Variants in TLE3 observed in about 807,000 individuals in gnomAD.
TLE3 encodes the protein transducin-like enhancer protein 3.
A neutral mutation model predicts 93.0 loss-of-function variants in TLE3; 14 were observed. That is an observed-to-expected ratio of 0.15 (90% CI 0.10 to 0.24). TLE3 has a LOEUF of 0.24. Among genes scored for constraint, TLE3 ranks in the 10% least tolerant of loss-of-function variants. The probability of loss-of-function intolerance (pLI) is 1.00; values close to 1 mark genes in which losing one functional copy is unlikely to be tolerated. For missense variants in TLE3, 693 were observed against 1,046.6 expected, an observed-to-expected ratio of 0.66 and a Z score of 4.66; for synonymous variants, 451 against 425.0, an observed-to-expected ratio of 1.06 and a Z score of -0.75.
At chr15:70,078,063 T>C (rs1289205291) in intron 4 of TLE3, among the ~76,000 whole-genome samples, 2 of 152,208 alleles carry the variant, frequency 1.3e-5, no homozygotes, top group Non-Finnish European at 2.9e-5. Flanking sequence ...TTTAAAAGCA[T>C]CCCTGGCCTC....
intron 4 of TLE3, among the ~76,000 whole-genome samples, chr15:70,089,736 G>GC (rs2058219276): frequency 6.6e-6 from 1 of 152,188 alleles, no homozygotes; most frequent in Admixed American, 6.5e-5. Context: ...TCACGTTTTT[G>GC]CCCCTGGTGT....
intron 15 of TLE3, 104 bp from the exon 16 acceptor site, chr15:70,054,789 G>T: frequency 7.1e-7 from 1 of 1,414,662 alleles, no homozygotes; most frequent in Non-Finnish European, 9.4e-7. Context: ...CCTGCTTACA[G>T]CCTCCCCCTA....
chr15:70,071,895 C>A (rs1202531517), intron 6 of TLE3, among the ~76,000 whole-genome samples: 2 of 152,204 alleles, frequency 1.3e-5, no homozygotes, highest in Non-Finnish European at 2.9e-5. Context: ...AGAGGCAGCT[C>A]AGCTGCAGGC....
chr15:70,062,884 T>C (rs2056583340), intron 8 of TLE3, among the ~76,000 whole-genome samples: 1 of 152,196 alleles, frequency 6.6e-6, no homozygotes, highest in Non-Finnish European at 1.5e-5. Flanking sequence ...ATGTGTGCCA[T>C]GCATGGACCT....
chr15:70,069,758 CAG>C (rs2057033142), intron 6 of TLE3, among the ~76,000 whole-genome samples: 1 of 152,264 alleles, frequency 6.6e-6, no homozygotes, highest in East Asian at 1.9e-4. Flanking sequence ...TTGGGTACAA[CAG>C]AGAGTGAAAC....
rs1207716170 is a variant in TLE3 at position 70,048,159 on chromosome 15, C to G, written c.*1938G>C. 1.3e-5 allele frequency: 2 copies of G among 150,306 alleles called. No individual in the cohort carries two copies. The highest frequency in any genetic ancestry group is 2.5e-5 in the African/African-American group (1 of 40,634). The allele number at this position is 150,306 out of a possible 1,614,324, so 9.3% of individuals were successfully genotyped here. A position where few individuals can be genotyped will look rare whatever the true frequency, so the allele number is the denominator to read the frequency against. On this transcript the variant is annotated 3_prime_UTR_variant, in exon 20 of 20. Coordinates refer to ENST00000451782, the MANE Select transcript of TLE3 (RefSeq NM_001105192.3). The stretch of plus-strand genomic sequence containing the variant: ...TTTTCCCGGGGGGCGGGGGGCGGGA[C>G]TGGCAAACTGGGGGGAGAGGCAATT...
chr15:70,054,274 T>A, intron 16 of TLE3, 164 bp downstream of exon 16: 1 of 1,004,622 alleles, frequency 1.0e-6, no homozygotes, highest in African/African-American at 1.6e-5. Flanking sequence ...GTCCCTCGCA[T>A]AAGGCAGGCG....
intron 17 of TLE3, 50 bp downstream of exon 17, chr15:70,053,177 G>A (rs958699585): frequency 7.0e-6 from 11 of 1,573,416 alleles, no homozygotes; most frequent in African/African-American, 6.7e-5. Context: ...GGGCCCCGGA[G>A]GGAGGGAACA....
chr15:70,090,759 C>T (rs1454236773), intron 4 of TLE3, among the ~76,000 whole-genome samples: 3 of 152,150 alleles, frequency 2.0e-5, no homozygotes, highest in Non-Finnish European at 4.4e-5. Context: ...GCTAGTTATG[C>T]ATTATGTATT....
rs1284889157 is a variant in TLE3 at position 70,096,807 on chromosome 15, G to A, written c.-9C>T. Reference sequence around the variant, plus strand: ...CTGCCCTGCGGATACATGGCAGGGAGGGGTCGTGATTCCGAGAGCGTGGAA... The same window carrying A: ...CTGCCCTGCGGATACATGGCAGGGAAGGGTCGTGATTCCGAGAGCGTGGAA... On this transcript the variant is annotated 5_prime_UTR_variant, in exon 1 of 20. Coordinates refer to ENST00000451782, the MANE Select transcript of TLE3 (RefSeq NM_001105192.3). 4 of 1,612,374 alleles carry A rather than the reference G, an allele frequency of 2.5e-6. No homozygotes were observed. The highest frequency in any genetic ancestry group is 2.2e-5 in the East Asian group (1 of 44,698).
At chr15:70,076,997 C>T (rs948730849) in intron 4 of TLE3, among the ~76,000 whole-genome samples, 1 of 152,190 alleles carries the variant, frequency 6.6e-6, no homozygotes, top group African/African-American at 2.4e-5. Flanking sequence ...GGACTACAGA[C>T]AGGAGCCACC....
chr15:70,074,498 C>T (rs774218122), intron 6 of TLE3, 35 bp downstream of exon 6: 1 of 1,599,304 alleles, frequency 6.3e-7, no homozygotes, highest in South Asian at 1.1e-5. Flanking sequence ...AAGGGCTATA[C>T]ACACGGTAAG....
intron 4 of TLE3, chr15:70,079,254 C>T: frequency 2.5e-6 from 1 of 403,236 alleles, no homozygotes; most frequent in South Asian, 1.8e-5. Context: ...TTCCACAAGC[C>T]TGGGGTAGTG....
At chr15:70,092,446 G>A (rs2058352676) in intron 4 of TLE3, among the ~76,000 whole-genome samples, 1 of 152,226 alleles carries the variant, frequency 6.6e-6, no homozygotes, top group African/African-American at 2.4e-5. Context: ...GGCAAGCAAG[G>A]TAAAGTGCCC....
intron 4 of TLE3, among the ~76,000 whole-genome samples, chr15:70,081,178 C>T (rs977864071): frequency 1.3e-5 from 2 of 152,190 alleles, no homozygotes; most frequent in African/African-American, 4.8e-5. Flanking sequence ...CTTCTCTAGG[C>T]ATTAATTTCG....
At chr15:70,066,344 G>A (rs1424659100) in intron 6 of TLE3, 126 bp from the exon 7 acceptor site, 2 of 832,166 alleles carry the variant, frequency 2.4e-6, no homozygotes, top group Non-Finnish European at 1.8e-6. Context: ...GGGTGGCAGG[G>A]GGAAGCACCC....
intron 4 of TLE3, 31 bp downstream of exon 4, chr15:70,094,501 A>G: frequency 6.6e-7 from 1 of 1,504,270 alleles, no homozygotes; most frequent in Non-Finnish European, 8.9e-7. Context: ...TTAAAAAATG[A>G]AATATATTTT....
At chr15:70,074,374 T>C in intron 6 of TLE3, 159 bp downstream of exon 6, 1 of 829,572 alleles carries the variant, frequency 1.2e-6, no homozygotes, top group South Asian at 1.8e-5. Flanking sequence ...GAAACAGCCC[T>C]ACATGGGTCC....
chr15:70,053,327 T>A lies in TLE3; in HGVS notation c.1874A>T (p.His625Leu), dbSNP rs201854965. 1 of 1,609,558 alleles carries A rather than the reference T, an allele frequency of 6.2e-7. No individual in the cohort carries two copies. Among genetic ancestry groups the A allele is most frequent in the African/African-American group, 1.3e-5 (1 of 74,944 alleles). ...TDGASCIDIS[H>L]DGTKLWTGGL... ...CCCTGTCCACAGTTTGGTGCCATCA[T>A]GGGAGATGTCTATGCAGCTGGCCCC... Residue 625 changes from histidine to leucine, a missense_variant, in exon 17 of 20, where the codon CAT (histidine) becomes CTT (leucine). This residue lies in a region of TLE3 where 153 missense variants were observed against 379.9 expected (regional missense o/e 0.40). Coordinates refer to ENST00000451782, the MANE Select transcript of TLE3 (RefSeq NM_001105192.3).
Sources: allele counts gnomAD v4.1 joint callset (sites outside exome capture counted in the v4.1 genomes callset), GRCh38; gene constraint gnomAD v4.1.1; regional missense constraint gnomAD v4.1.1; transcripts MANE v1.5; gene names NCBI Gene and HGNC (gene_info 2026-07-23, HGNC 2026-07-21).